The following LRRC4C variants were observed in gnomAD, a reference collection of about 807,000 sequenced individuals.
LRRC4C encodes the protein leucine rich repeat containing 4C.
In LRRC4C, 5 loss-of-function variants were observed where a neutral mutation model predicts 33.6. The ratio of observed to expected loss-of-function variants is 0.15; its 90% CI spans 0.08 to 0.31. LRRC4C has a LOEUF of 0.31. Ranked by LOEUF, LRRC4C falls within the 10% of genes least tolerant of loss-of-function variation. The pLI is 1.00. For synonymous variants in LRRC4C, 329 were observed against 302.0 expected (o/e 1.09, Z -0.93); for missense variants, 560 against 796.7 (o/e 0.70, Z 3.58).
intron 3 of LRRC4C, among the ~76,000 whole-genome samples, chr11:40,437,216 A>G (rs1321635996): frequency 6.6e-6 from 1 of 152,086 alleles, no homozygotes; most frequent in Non-Finnish European, 1.5e-5. Context: ...GTGGCCCAAG[A>G]TAAGGATTAG....
At chr11:40,741,454 A>C (rs10734484) in intron 2 of LRRC4C, among the ~76,000 whole-genome samples, 129,598 of 151,964 alleles carry the variant, frequency 0.85, 55,679 homozygotes, top group African/African-American at 0.96. Flanking sequence ...TGGGACAACT[A>C]CCCCATAATG....
At chr11:40,703,798 G>A (rs1212079096) in intron 2 of LRRC4C, among the ~76,000 whole-genome samples, 1 of 152,088 alleles carries the variant, frequency 6.6e-6, no homozygotes, top group East Asian at 1.9e-4. Context: ...TTAATAATCG[G>A]CATATAAGAT....
intron 1 of LRRC4C, among the ~76,000 whole-genome samples, chr11:41,343,037 A>G (rs1478822920): frequency 6.6e-6 from 1 of 152,110 alleles, no homozygotes; most frequent in Non-Finnish European, 1.5e-5. Context: ...CCTTTTCTCT[A>G]TGTATTTCTC....
chr11:40,628,440 T>G (rs7110782), intron 3 of LRRC4C, among the ~76,000 whole-genome samples: 14,696 of 152,014 alleles, frequency 0.097, 1,006 homozygotes, highest in East Asian at 0.24. Context: ...ATTGCGCCAC[T>G]GCACTCCAGC....
intron 1 of LRRC4C, among the ~76,000 whole-genome samples, chr11:41,224,701 C>A (rs948647226): frequency 3.5e-4 from 54 of 152,162 alleles, no homozygotes; most frequent in African/African-American, 1.3e-3. Flanking sequence ...TACTCATTAG[C>A]CTATGGCTAT....
intron 3 of LRRC4C, among the ~76,000 whole-genome samples, chr11:40,440,866 A>ATTTTTTTT (rs58954858): frequency 6.7e-6 from 1 of 148,874 alleles, no homozygotes; most frequent in Non-Finnish European, 1.5e-5. Flanking sequence ...CCAGTAGGGA[A>ATTTTTTTT]TTTTTTTTTT....
At chr11:40,692,289 G>C (rs1042008272) in intron 2 of LRRC4C, among the ~76,000 whole-genome samples, 1 of 151,908 alleles carries the variant, frequency 6.6e-6, no homozygotes, top group African/African-American at 2.4e-5. Context: ...ATCCAAGCAG[G>C]GGTGAGGTGG....
chr11:40,370,074 T>C (rs1260505517), intron 3 of LRRC4C, among the ~76,000 whole-genome samples: 1 of 152,146 alleles, frequency 6.6e-6, no homozygotes, highest in African/African-American at 2.4e-5. Context: ...CAAGAGGATG[T>C]TATAAAAGTG....
chr11:41,384,253 C>T (rs1953267141), intron 1 of LRRC4C, among the ~76,000 whole-genome samples: 1 of 151,824 alleles, frequency 6.6e-6, no homozygotes, highest in East Asian at 1.9e-4. Context: ...ATATGTTTTT[C>T]AGAATAAATA....
rs1188389556 is a variant in LRRC4C, at chr11:40,796,635, C to CTTTT, written c.-407+136996_-407+136999dup. On this transcript the variant is annotated intron_variant, in intron 2 of 6. Coordinates refer to ENST00000528697, the MANE Select transcript of LRRC4C (RefSeq NM_001258419.2). ...AAACAAAAGAGGGCTAAGCAGAACT[C>CTTTT]TTTTTTTTTTTTTTTTTTTTTTTTA... Among the ~76,000 whole-genome samples, 50 of 104,928 alleles carry CTTTT rather than the reference C, an allele frequency of 4.8e-4. 1 individual carries two copies. The highest frequency in any genetic ancestry group is 1.0e-3 in the South Asian group (3 of 2,868). 68.8% of individuals were successfully genotyped at this position (104,928 alleles called of 152,430 possible). A position where few individuals can be genotyped will look rare whatever the true frequency, so the allele number is the denominator to read the frequency against.
At chr11:40,620,410 T>C (rs1213149559) in intron 3 of LRRC4C, among the ~76,000 whole-genome samples, 1 of 151,746 alleles carries the variant, frequency 6.6e-6, no homozygotes, top group Admixed American at 6.6e-5. Flanking sequence ...CCCTGAGCCA[T>C]AAATTTCTCT....
intron 3 of LRRC4C, among the ~76,000 whole-genome samples, chr11:40,553,288 A>C (rs1957199401): frequency 6.6e-6 from 1 of 151,300 alleles, no homozygotes; most frequent in Non-Finnish European, 1.5e-5. Flanking sequence ...AAACAAAAAC[A>C]AACAAAAAAA....
chr11:41,441,614 T>TAA lies in LRRC4C; in HGVS notation c.-496+17815_-496+17816dup, dbSNP rs5791441. 4.3e-3 allele frequency among the ~76,000 whole-genome samples: 605 copies of TAA among 139,916 alleles called. 1 individual carries two copies. Among genetic ancestry groups the TAA allele is most frequent in the African/African-American group, 0.012 (448 of 38,272 alleles). 91.8% of individuals were successfully genotyped at this position (139,916 alleles called of 152,430 possible). On this transcript the variant is annotated intron_variant, in intron 1 of 6. Transcript: ENST00000528697. ...CTGAGAAAATTTATTTTTTTCCAGT[T>TAA]AAAAAAAAAAAAAAAAGATAGATGT... is the stretch of plus-strand genomic sequence containing the variant.
At chr11:41,356,336 C>CA (rs1437894045) in intron 1 of LRRC4C, among the ~76,000 whole-genome samples, 10 of 151,942 alleles carry the variant, frequency 6.6e-5, no homozygotes, top group South Asian at 2.1e-4. Context: ...GTAAAAATTA[C>CA]AAAAAAAGTC....
At chr11:40,669,283 G>C (rs1315338806) in intron 2 of LRRC4C, among the ~76,000 whole-genome samples, 6 of 152,084 alleles carry the variant, frequency 3.9e-5, no homozygotes. Flanking sequence ...CACAAGTAAA[G>C]AAGTTTCTAT....
At chr11:40,283,518 T>C (rs747039546) in intron 4 of LRRC4C, among the ~76,000 whole-genome samples, 3 of 151,912 alleles carry the variant, frequency 2.0e-5, no homozygotes, top group Non-Finnish European at 4.4e-5. Context: ...ACAATAAGAA[T>C]ATTGGGAAAA....
chr11:40,413,853 C>T (rs973290112), intron 3 of LRRC4C, among the ~76,000 whole-genome samples: 5 of 152,002 alleles, frequency 3.3e-5, no homozygotes, highest in East Asian at 3.9e-4. Context: ...GCCAAAACTA[C>T]GTTTGAATCA....
intron 5 of LRRC4C, among the ~76,000 whole-genome samples, chr11:40,192,482 C>G (rs1399895740): frequency 6.6e-6 from 1 of 152,198 alleles, no homozygotes; most frequent in Non-Finnish European, 1.5e-5. Context: ...CCCTTGGGTG[C>G]CTTTACCACC....
intron 2 of LRRC4C, among the ~76,000 whole-genome samples, chr11:40,819,987 A>C (rs1951863846): frequency 6.6e-6 from 1 of 151,996 alleles, no homozygotes; most frequent in East Asian, 1.9e-4. Context: ...GACTAAATTA[A>C]AAAAAAGACA....
Sources: gnomAD v4.1 joint callset for allele counts (sites outside exome capture counted in the v4.1 genomes callset) on GRCh38, gnomAD v4.1.1 for gene constraint, MANE v1.5 for transcripts, NCBI Gene and HGNC (gene_info 2026-07-23, HGNC 2026-07-21) for gene names.